Variants in NCOA2 observed in about 807,000 individuals in gnomAD.
NCOA2 encodes nuclear receptor coactivator 2.
NCOA2 carries 21 observed loss-of-function variants against 145.1 expected under a neutral mutation model. The ratio of observed to expected loss-of-function variants is 0.14; its 90% confidence interval spans 0.10 to 0.21. The LOEUF (loss-of-function observed/expected upper bound fraction) is 0.21, where lower values mean the gene tolerates loss of function less well. Ranked by LOEUF, NCOA2 falls within the 10% of genes least tolerant of loss-of-function variation. NCOA2 has a pLI of 1.00. For missense variants in NCOA2, 1,472 were observed against 1,837.6 expected, an observed-to-expected ratio of 0.80 and a Z score of 3.64; for synonymous variants, 619 against 637.5, an observed-to-expected ratio of 0.97 and a Z score of 0.44.
intron 14 of NCOA2, among the ~76,000 whole-genome samples, chr8:70,138,914 GATA>G (rs1321663067): frequency 4.6e-5 from 7 of 152,260 alleles, no homozygotes; most frequent in African/African-American, 1.4e-4. Flanking sequence ...ACGCTTGGGC[GATA>G]ATAAGAGTGA....
intron 4 of NCOA2, among the ~76,000 whole-genome samples, chr8:70,176,570 G>A (rs1441654406): frequency 6.6e-6 from 1 of 152,040 alleles, no homozygotes; most frequent in African/African-American, 2.4e-5. Context: ...GCATGTGACC[G>A]CCCCCACCCC....
At chr8:70,396,531 G>A (rs1453876476) in intron 1 of NCOA2, among the ~76,000 whole-genome samples, 1 of 152,168 alleles carries the variant, frequency 6.6e-6, no homozygotes, top group East Asian at 1.9e-4. Flanking sequence ...TCTTTGCCCT[G>A]CACTTGGTTT....
the NCOA2 span, among the ~76,000 whole-genome samples, chr8:70,421,509 G>T: frequency 6.6e-6 from 1 of 152,154 alleles, no homozygotes; most frequent in Admixed American, 6.5e-5. Flanking sequence ...AGTGAGCTAT[G>T]ATCGCACCAC....
chr8:70,427,878 A>T, the NCOA2 span, among the ~76,000 whole-genome samples: 1 of 152,204 alleles, frequency 6.6e-6, no homozygotes, highest in African/African-American at 2.4e-5. Context: ...TATAACTGTG[A>T]TGTTGTGGCT....
At chr8:70,134,078 C>T (rs1303351774) in intron 15 of NCOA2, among the ~76,000 whole-genome samples, 4 of 152,158 alleles carry the variant, frequency 2.6e-5, no homozygotes, top group Non-Finnish European at 5.9e-5. Flanking sequence ...CACTACTGGG[C>T]TTCACAAAGT....
At chr8:70,399,661 A>T (rs916208455) in intron 1 of NCOA2, among the ~76,000 whole-genome samples, 1 of 152,280 alleles carries the variant, frequency 6.6e-6, no homozygotes. Flanking sequence ...TCATAACAAT[A>T]AATAAGCATT....
intron 2 of NCOA2, among the ~76,000 whole-genome samples, chr8:70,219,436 G>A (rs1819938235): frequency 6.6e-6 from 1 of 152,014 alleles, no homozygotes; most frequent in Admixed American, 6.5e-5. Flanking sequence ...CAACATTCCT[G>A]GGCTATGTGC....
At chr8:70,215,826 C>A (rs190178134) in intron 3 of NCOA2, among the ~76,000 whole-genome samples, 33 of 152,266 alleles carry the variant, frequency 2.2e-4, no homozygotes, top group Admixed American at 9.2e-4. Flanking sequence ...AAACAATACA[C>A]ATTCTTTTTT....
At chr8:70,301,707 A>C (rs1490358290) in intron 1 of NCOA2, among the ~76,000 whole-genome samples, 1 of 151,774 alleles carries the variant, frequency 6.6e-6, no homozygotes, top group African/African-American at 2.4e-5. Flanking sequence ...AACTCAAAAC[A>C]ACCAAGTCAA....
In NCOA2 at chr8:70,128,855, G is replaced by A; in HGVS notation, c.3450C>T (p.Pro1150=). The A allele has an allele frequency of 6.2e-7, 1 of 1,614,014 alleles. No homozygotes were observed. The change falls in exon 17 of 23, where the codon CCC becomes CCT. Residue 1150 remains proline (P), a synonymous_variant. Coordinates refer to ENST00000452400, the MANE Select transcript of NCOA2 (RefSeq NM_006540.4). ...QAQMAQGSYS[P]MQDPNFHTMG... ...TGGTGTGAAAGTTTGGATCTTGCAT[G>A]GGAGAATAGCTACCCTGGGCCATTT... is the stretch of plus-strand genomic sequence containing the variant.
chr8:70,432,491 G>A, the NCOA2 span, among the ~76,000 whole-genome samples: 1 of 152,052 alleles, frequency 6.6e-6, no homozygotes. Flanking sequence ...GCAAGACTCT[G>A]TCTCTACAAA....
chr8:70,293,105 C>T (rs980225986), intron 2 of NCOA2, among the ~76,000 whole-genome samples: 1 of 151,910 alleles, frequency 6.6e-6, no homozygotes, highest in African/African-American at 2.4e-5. Context: ...AAGAAAATAC[C>T]ACAAAAATAG....
intron 2 of NCOA2, among the ~76,000 whole-genome samples, chr8:70,226,229 G>T (rs1163337819): frequency 1.3e-5 from 2 of 151,910 alleles, no homozygotes; most frequent in African/African-American, 2.4e-5. Flanking sequence ...TAACACATCA[G>T]ACTTTTGTGA....
the NCOA2 span, among the ~76,000 whole-genome samples, chr8:70,445,581 C>T: frequency 1.3e-5 from 2 of 152,068 alleles, no homozygotes; most frequent in Non-Finnish European, 2.9e-5. Context: ...AAAGCCTAAA[C>T]GTGTTGCCCC....
chr8:70,180,350 G>A (rs1390374599), intron 4 of NCOA2, among the ~76,000 whole-genome samples: 1 of 152,116 alleles, frequency 6.6e-6, no homozygotes, highest in East Asian at 1.9e-4. Flanking sequence ...TGCTTGAACA[G>A]CAATCCCTCA....
At chr8:70,449,357 A>G in the NCOA2 span, among the ~76,000 whole-genome samples, 1 of 152,232 alleles carries the variant, frequency 6.6e-6, no homozygotes, top group African/African-American at 2.4e-5. Flanking sequence ...TTACAGTCCC[A>G]AGAGTAAACA....
chr8:70,157,693 G>C (rs1027978517), intron 10 of NCOA2, among the ~76,000 whole-genome samples: 1 of 152,086 alleles, frequency 6.6e-6, no homozygotes, highest in Admixed American at 6.5e-5. Flanking sequence ...TTACTACTTG[G>C]CTCAAGATAA....
intron 1 of NCOA2, among the ~76,000 whole-genome samples, chr8:70,335,714 G>GC (rs1756633061): frequency 6.6e-6 from 1 of 152,116 alleles, no homozygotes; most frequent in African/African-American, 2.4e-5. Flanking sequence ...GTCAATTAAT[G>GC]ATAGGGATAC....
At chr8:70,395,025 G>A (rs1284542381) in intron 1 of NCOA2, among the ~76,000 whole-genome samples, 3 of 152,168 alleles carry the variant, frequency 2.0e-5, no homozygotes, top group Non-Finnish European at 2.9e-5. Flanking sequence ...AGGGGAAACT[G>A]TAGATCATGA....
Sources: allele counts gnomAD v4.1 joint callset (sites outside exome capture counted in the v4.1 genomes callset), GRCh38; gene constraint gnomAD v4.1.1; transcripts MANE v1.5; gene names NCBI Gene and HGNC (gene_info 2026-07-23, HGNC 2026-07-21).